Variants in NKAIN2 observed in about 807,000 individuals in gnomAD.
NKAIN2 encodes the protein sodium/potassium-transporting ATPase subunit beta-1-interacting protein 2.
NKAIN2 carries 14 observed loss-of-function variants against 32.6 expected under a neutral mutation model. The observed-to-expected ratio is 0.43, with a 90% CI of 0.28 to 0.67. NKAIN2 has a LOEUF of 0.67. NKAIN2 is among the 30% of genes least tolerant of loss of function. The pLI, the probability that NKAIN2 is intolerant of heterozygous loss-of-function variation, is 0.17. For missense variants in NKAIN2, 198 were observed against 258.3 expected (o/e 0.77, Z 1.60); for synonymous variants, 80 against 87.2 (o/e 0.92, Z 0.46).
intron 5 of NKAIN2, among the ~76,000 whole-genome samples, chr6:124,800,853 G>T (rs1178785047): frequency 1.3e-5 from 2 of 152,126 alleles, no homozygotes; most frequent in Non-Finnish European, 2.9e-5. Flanking sequence ...TTGTTTGTTT[G>T]TTTATAGGAT....
At chr6:124,465,449 G>A (rs2114658232) in intron 3 of NKAIN2, among the ~76,000 whole-genome samples, 1 of 152,022 alleles carries the variant, frequency 6.6e-6, no homozygotes, top group Middle Eastern at 3.4e-3. Context: ...ACATGGACAA[G>A]GAAGGGAAAC....
chr6:124,650,640 G>T (rs1784335986), intron 3 of NKAIN2, among the ~76,000 whole-genome samples: 6 of 152,090 alleles, frequency 3.9e-5, no homozygotes, highest in Admixed American at 3.9e-4. Flanking sequence ...CCACTCCCAT[G>T]GTGGCAACAT....
At chr6:123,852,561 T>G (rs1775394253) in intron 1 of NKAIN2, among the ~76,000 whole-genome samples, 1 of 152,216 alleles carries the variant, frequency 6.6e-6, no homozygotes, top group Non-Finnish European at 1.5e-5. Context: ...TGCAGTCCTG[T>G]GTTCATTGCA....
intron 5 of NKAIN2, among the ~76,000 whole-genome samples, chr6:124,806,137 A>T (rs2114844874): frequency 6.6e-6 from 1 of 152,216 alleles, no homozygotes; most frequent in Non-Finnish European, 1.5e-5. Flanking sequence ...AAATACAGAG[A>T]ACACCACAAA....
At chr6:124,625,732 T>A (rs1364825729) in intron 3 of NKAIN2, among the ~76,000 whole-genome samples, 9 of 149,532 alleles carry the variant, frequency 6.0e-5, no homozygotes, top group East Asian at 2.0e-4. Flanking sequence ...TTATTTATTT[T>A]TTGGTCTTTT....
intron 1 of NKAIN2, among the ~76,000 whole-genome samples, chr6:124,166,326 T>C (rs1437869831): frequency 1.3e-5 from 2 of 152,136 alleles, no homozygotes; most frequent in Non-Finnish European, 2.9e-5. Flanking sequence ...TTTTGAGAAG[T>C]GTCTGTTCAT....
chr6:124,724,375 A>G (rs1776173334), intron 4 of NKAIN2, among the ~76,000 whole-genome samples: 1 of 152,186 alleles, frequency 6.6e-6, no homozygotes, highest in African/African-American at 2.4e-5. Context: ...AATAGCTATT[A>G]TAAGTTATTA....
At chr6:124,770,441 C>T (rs2114757753) in intron 4 of NKAIN2, among the ~76,000 whole-genome samples, 1 of 152,258 alleles carries the variant, frequency 6.6e-6, no homozygotes, top group Middle Eastern at 3.4e-3. Context: ...GTACAATGTG[C>T]TGAAAAACAC....
At chr6:124,328,791 T>C (rs1797528860) in intron 2 of NKAIN2, among the ~76,000 whole-genome samples, 1 of 152,138 alleles carries the variant, frequency 6.6e-6, no homozygotes, top group Admixed American at 6.5e-5. Flanking sequence ...GGACATGCCA[T>C]TGAATGAAGA....
At chr6:123,932,668 C>T (rs1041227082) in intron 1 of NKAIN2, among the ~76,000 whole-genome samples, 19 of 151,928 alleles carry the variant, frequency 1.3e-4, no homozygotes, top group Admixed American at 9.8e-4. Flanking sequence ...CTGCCCGCCT[C>T]GGCCTCCCAA....
chr6:124,111,863 T>C (rs1785401022), intron 1 of NKAIN2, among the ~76,000 whole-genome samples: 1 of 152,012 alleles, frequency 6.6e-6, no homozygotes, highest in Non-Finnish European at 1.5e-5. Flanking sequence ...TGTGTGTGTG[T>C]GGTTACCTTG....
intron 1 of NKAIN2, among the ~76,000 whole-genome samples, chr6:123,835,427 C>T (rs1774576415): frequency 6.6e-6 from 1 of 152,172 alleles, no homozygotes; most frequent in Non-Finnish European, 1.5e-5. Context: ...AATCTATCTG[C>T]CCATCTATTC....
chr6:123,940,989 ATTTC>A (rs1185372723), intron 1 of NKAIN2, among the ~76,000 whole-genome samples: 5 of 151,700 alleles, frequency 3.3e-5, no homozygotes, highest in African/African-American at 1.2e-4. Context: ...CGAATTTTTT[ATTTC>A]TTTATGTCCT....
At chr6:124,145,709 G>A (rs1317384336) in intron 1 of NKAIN2, among the ~76,000 whole-genome samples, 2 of 152,072 alleles carry the variant, frequency 1.3e-5, no homozygotes, top group Non-Finnish European at 2.9e-5. Context: ...GTTTTACTGT[G>A]TTAGCCAGGG....
At chr6:124,357,121 C>A (rs1048928135) in intron 3 of NKAIN2, among the ~76,000 whole-genome samples, 1 of 152,128 alleles carries the variant, frequency 6.6e-6, no homozygotes, top group African/African-American at 2.4e-5. Context: ...CAGATAATTT[C>A]TATCCCTTGG....
chr6:123,999,904 T>C (rs1381039290), intron 1 of NKAIN2, among the ~76,000 whole-genome samples: 14 of 152,092 alleles, frequency 9.2e-5, no homozygotes, highest in Admixed American at 9.2e-4. Context: ...TGAGTTTTGG[T>C]ATGTACAAAT....
In NKAIN2 at chr6:124,741,977, A is replaced by C. The variant is rs562431148; in HGVS notation, c.475-49362A>C. On this transcript the variant is annotated intron_variant, in intron 4 of 6. Coordinates refer to ENST00000368417, the MANE Select transcript of NKAIN2 (RefSeq NM_001040214.3). The stretch of plus-strand genomic sequence containing the variant: ...CATATTATTTAACAACGAAACAATG[A>C]AAGTGTGGAATGTTCAGATTCCAAC... 2.0e-5 allele frequency among the ~76,000 whole-genome samples: 3 copies of C among 152,000 alleles called. No individual in the cohort carries two copies. The East Asian group carries it at 5.9e-4, about 30-fold the overall frequency.
chr6:123,945,784 A>G (rs764761674), intron 1 of NKAIN2, among the ~76,000 whole-genome samples: 2 of 152,132 alleles, frequency 1.3e-5, no homozygotes, highest in African/African-American at 2.4e-5. Flanking sequence ...AATTGTGTCA[A>G]ATTGCAACTT....
At chr6:124,621,027 T>C (rs1783086725) in intron 3 of NKAIN2, among the ~76,000 whole-genome samples, 2 of 152,160 alleles carry the variant, frequency 1.3e-5, no homozygotes, top group Admixed American at 1.3e-4. Context: ...TCCTAAACAG[T>C]GATTCTCAGC....
Sources: gnomAD v4.1 joint callset for allele counts (sites outside exome capture counted in the v4.1 genomes callset) on GRCh38, gnomAD v4.1.1 for gene constraint, MANE v1.5 for transcripts, NCBI Gene and HGNC (gene_info 2026-07-23, HGNC 2026-07-21) for gene names.